Variants in ETV4 observed in about 807,000 individuals in gnomAD.
ETV4 encodes ETS variant transcription factor 4, also known as ETS translocation variant 4.
Under a neutral mutation model 65.9 loss-of-function variants are expected in ETV4, and 42 were observed. The observed-to-expected ratio is 0.64, with a 90% CI of 0.50 to 0.82. The LOEUF (loss-of-function observed/expected upper bound fraction) is 0.82, where lower values mean the gene tolerates loss of function less well. Among genes scored for constraint, ETV4 ranks in the 40% least tolerant of loss-of-function variants. ETV4 has a pLI of 0.00. For synonymous variants in ETV4, 238 were observed against 260.0 expected, an observed-to-expected ratio of 0.92 and a Z score of 0.81; for missense variants, 583 against 630.3, an observed-to-expected ratio of 0.92 and a Z score of 0.80.
At position 43,533,887 on chromosome 17, in the gene ETV4, G is replaced by T. The variant is rs762205128; in HGVS notation, c.355C>A (p.His119Asn). Residue 119 changes from histidine (H) to asparagine (N), a missense_variant, in exon 6 of 13, where the codon CAC becomes AAC. Transcript: ENST00000319349. ...GAGTAAAGGCACTGCTCGCCATGGT[G>T]GTAGGGGAGTGGCGGCTTCCTGCTG... ...SCSRKPPLPY[H>N]HGEQCLYSSA... 6.2e-7 allele frequency: 1 copy of T among 1,602,044 alleles called. No individual in the cohort carries two copies. Among genetic ancestry groups the T allele is most frequent in the South Asian group, 1.1e-5 (1 of 88,958 alleles).
Position 43,533,361 on chromosome 17 carries a change from A to C in ETV4, c.384-13T>G, listed in dbSNP as rs751919532. The C allele has an allele frequency of 6.2e-7, 1 of 1,609,570 alleles. No individual in the cohort carries two copies. The highest frequency in any genetic ancestry group is 1.7e-5 in the Admixed American group (1 of 59,902). The stretch of plus-strand genomic sequence containing the variant: ...GGGGTCATAGGCACTGGAGTTGAGA[A>C]GGAGACAGGGGTGAGGGGGCAGAGA... On this transcript the variant is annotated splice_polypyrimidine_tract_variant and intron_variant, in intron 6 of 12. Transcript: ENST00000319349.
At chr17:43,538,812 C>T (rs1971373884) in intron 4 of ETV4, among the ~76,000 whole-genome samples, 1 of 152,056 alleles carries the variant, frequency 6.6e-6, no homozygotes, top group African/African-American at 2.4e-5. Context: ...GACTCTCCTT[C>T]CCTGGAGACT....
At chr17:43,532,541 T>G (rs1567708867) in intron 8 of ETV4, 133 bp downstream of exon 8, 1 of 823,696 alleles carries the variant, frequency 1.2e-6, no homozygotes, top group Non-Finnish European at 1.9e-6. Flanking sequence ...CTTTTGAAAT[T>G]ATGAAGAAAA....
Position 43,545,601 on chromosome 17 carries a change from T to A in ETV4, c.17A>T (p.Lys6Ile), listed in dbSNP as rs1463695224. 1.3e-6 allele frequency: 2 copies of A among 1,550,610 alleles called. No individual in the cohort carries two copies. Among genetic ancestry groups the A allele is most frequent in the Non-Finnish European group, 1.7e-6 (2 of 1,146,910 alleles). The change falls in exon 2 of 13, where the codon AAA (lysine) becomes ATA (isoleucine). Residue 6 changes from lysine (K) to isoleucine (I), a missense_variant. By Grantham distance (102) the Lys-to-Ile change is moderately radical. Coordinates refer to ENST00000319349, the MANE Select transcript of ETV4 (RefSeq NM_001079675.5). MERRM[K>I]AGYLDQQVPY... ...CACTTGCTGGTCCAAGTATCCGGCTTTCATCCTCCGCTCCATCCGGCCGCT... is the reference window on the plus strand; with the variant it reads ...CACTTGCTGGTCCAAGTATCCGGCTATCATCCTCCGCTCCATCCGGCCGCT...
intron 4 of ETV4, among the ~76,000 whole-genome samples, chr17:43,537,801 T>C (rs1354738148): frequency 6.6e-6 from 1 of 151,942 alleles, no homozygotes; most frequent in Non-Finnish European, 1.5e-5. Context: ...GAGACCAGCC[T>C]GACCAGCATG....
intron 12 of ETV4, 147 bp from the exon 13 acceptor site, chr17:43,528,890 ACT>A: frequency 1.4e-6 from 1 of 709,418 alleles, no homozygotes; most frequent in Non-Finnish European, 2.4e-6. Flanking sequence ...TGAGAAGCTG[ACT>A]CTCCCTTCAC....
chr17:43,545,875 C>T (rs1971797358), intron 1 of ETV4: 4 of 581,726 alleles, frequency 6.9e-6, no homozygotes, highest in Non-Finnish European at 1.2e-5. Flanking sequence ...TCCCAGGAGC[C>T]GGGCTCGCCG....
chr17:43,532,515 A>G (rs1355931037), intron 8 of ETV4, among the ~76,000 whole-genome samples, 159 bp downstream of exon 8: 1 of 152,072 alleles, frequency 6.6e-6, no homozygotes, highest in Admixed American at 6.6e-5. Flanking sequence ...AAAGAAAAAG[A>G]AAGAAAAATA....
intron 1 of ETV4, chr17:43,545,898 G>A: frequency 1.8e-6 from 1 of 567,038 alleles, no homozygotes; most frequent in Non-Finnish European, 3.1e-6. Flanking sequence ...TCTGCTTTCT[G>A]CAGCCCTGCT....
At chr17:43,538,712 A>G (rs991289016) in intron 4 of ETV4, among the ~76,000 whole-genome samples, 1 of 152,174 alleles carries the variant, frequency 6.6e-6, no homozygotes, top group African/African-American at 2.4e-5. Context: ...ACAGCAGGAA[A>G]TGTAGACACC....
intron 5 of ETV4, among the ~76,000 whole-genome samples, chr17:43,535,427 G>A (rs1017440823): frequency 2.0e-5 from 3 of 152,048 alleles, no homozygotes; most frequent in East Asian, 1.9e-4. Flanking sequence ...ACAGGTACAC[G>A]CCACCATGCC....
At chr17:43,533,628 T>G (rs1001212469) in intron 6 of ETV4, among the ~76,000 whole-genome samples, 4 of 152,136 alleles carry the variant, frequency 2.6e-5, no homozygotes, top group African/African-American at 9.7e-5. Context: ...AGTGGGCCTC[T>G]TGGTGGAAAC....
chr17:43,532,926 G>C lies in ETV4; in HGVS notation c.559C>G (p.Gln187Glu). 6.4e-7 allele frequency: 1 copy of C among 1,573,012 alleles called. No individual in the cohort carries two copies. Among genetic ancestry groups the C allele is most frequent in the Non-Finnish European group, 8.6e-7 (1 of 1,158,858 alleles). Reference protein sequence around the residue: ...YLGEHSSVFQQPLDICHSFTS... With the variant: ...YLGEHSSVFQEPLDICHSFTS... Reference sequence around the variant, plus strand: ...AAGGAGTGGCAAATGTCCAGGGGCTGCTGGAAGACGGAGCTGGATGTGGTT... The same window carrying C: ...AAGGAGTGGCAAATGTCCAGGGGCTCCTGGAAGACGGAGCTGGATGTGGTT... The change falls in exon 8 of 13, where the codon CAG becomes GAG. Residue 187 changes from glutamine to glutamate, a missense_variant. Transcript: ENST00000319349.
At position 43,541,872 on chromosome 17, in the gene ETV4, T is replaced by C. The variant is rs184146816; in HGVS notation, c.202+3103A>G. On this transcript the variant is annotated intron_variant, in intron 4 of 12. Coordinates refer to ENST00000319349, the MANE Select transcript of ETV4 (RefSeq NM_001079675.5). ...GACAGAAAGATGGAGAAGGAGGCAT[T>C]GTAGCTGGGAAAGATTAGGGAGGAG... Among the ~76,000 whole-genome samples the C allele has an allele frequency of 2.3e-3, 344 of 152,230 alleles. 1 individual carries two copies. Among genetic ancestry groups the C allele is most frequent in the African/African-American group, 7.9e-3 (328 of 41,544 alleles).
In ETV4 at chr17:43,528,632, C is replaced by T. The variant is rs188176311; in HGVS notation, c.1342G>A (p.Val448Ile). Residue 448 changes from valine to isoleucine, a missense_variant, in exon 13 of 13, where the codon GTC (valine) becomes ATC (isoleucine). Coordinates refer to ENST00000319349, the MANE Select transcript of ETV4 (RefSeq NM_001079675.5). ...PALKAEFDRP[V>I]SEEDTVPLSH... Reference sequence around the variant, plus strand: ...AAAGGGACTGTGTCCTCCTCACTGACAGGCCGGTCAAACTCAGCCTTGAGA... The same window carrying T: ...AAAGGGACTGTGTCCTCCTCACTGATAGGCCGGTCAAACTCAGCCTTGAGA... The T allele has an allele frequency of 9.2e-5, 148 of 1,614,190 alleles. 1 individual carries two copies. In the East Asian group the frequency reaches 3.3e-3, roughly 36 times the overall value.
rs1970744927 is a variant in ETV4, at chr17:43,529,117, T to C, written c.1230+18A>G. ...CCACTGCCCCCCACCACCTTGTCCC[T>C]AGACCCACAGCCCCCACCTTCTGCA... On this transcript the variant is annotated intron_variant, in intron 12 of 12. Transcript: ENST00000319349. 1 of 1,612,660 alleles carries C rather than the reference T, an allele frequency of 6.2e-7. No homozygotes were observed. The highest frequency in any genetic ancestry group is 8.5e-7 in the Non-Finnish European group (1 of 1,178,968).
chr17:43,533,722 G>A, intron 6 of ETV4, 137 bp downstream of exon 6: 1 of 1,125,162 alleles, frequency 8.9e-7, no homozygotes, highest in Non-Finnish European at 1.3e-6. Flanking sequence ...TAGCTGTATT[G>A]CTTCCTTACA....
At chr17:43,533,448 G>T in intron 6 of ETV4, 100 bp from the exon 7 acceptor site, 1 of 1,179,520 alleles carries the variant, frequency 8.5e-7, no homozygotes, top group Non-Finnish European at 1.2e-6. Context: ...GATTACAGGA[G>T]AAGGAAGGAT....
At chr17:43,529,265 A>G in intron 11 of ETV4, 29 bp from the exon 12 acceptor site, 1 of 1,606,586 alleles carries the variant, frequency 6.2e-7, no homozygotes, top group Non-Finnish European at 8.5e-7. Flanking sequence ...TGGGGTAGAG[A>G]TGCTACCTTG....
Sources: allele counts gnomAD v4.1 joint callset (sites outside exome capture counted in the v4.1 genomes callset), GRCh38; gene constraint gnomAD v4.1.1; transcripts MANE v1.5; gene names NCBI Gene and HGNC (gene_info 2026-07-23, HGNC 2026-07-21).